AJAP1: variants seen among roughly 807,000 people sequenced by gnomAD.
AJAP1 encodes adherens junctions associated protein 1.
In AJAP1, 5 loss-of-function variants were observed where a neutral mutation model predicts 35.0. The ratio of observed to expected loss-of-function variants is 0.14; its 90% confidence interval spans 0.07 to 0.30. AJAP1 has a LOEUF of 0.30. Ranked by LOEUF, AJAP1 falls within the 10% of genes least tolerant of loss-of-function variation. AJAP1 has a pLI of 1.00. For missense variants in AJAP1, 586 were observed against 571.0 expected (o/e 1.03, Z -0.27); for synonymous variants, 284 against 249.3 (o/e 1.14, Z -1.31).
intron 2 of AJAP1, among the ~76,000 whole-genome samples, chr1:4,748,339 G>A (rs1641240014): frequency 6.6e-6 from 1 of 152,198 alleles, no homozygotes; most frequent in South Asian, 2.1e-4. Context: ...TACTCATGAT[G>A]CCAGGGTGAG....
chr1:4,692,739 A>T lies in AJAP1; in HGVS notation c.30-19161A>T, dbSNP rs930467421. On this transcript the variant is annotated intron_variant, in intron 1 of 5. Transcript: ENST00000378191. The surrounding 1 kb of genome is among the most constrained non-coding windows in gnomAD (Gnocchi z 4.4). ...CAAGCAGAGATGAAGCCACCCTGGC[A>T]CTCTGCTGTCCTCCCTCCAGGTCTT... Among the ~76,000 whole-genome samples the T allele has an allele frequency of 2.6e-5, 4 of 152,012 alleles. No homozygotes were observed. Among genetic ancestry groups the T allele is most frequent in the African/African-American group, 9.7e-5 (4 of 41,378 alleles).
At chr1:4,760,535 T>C (rs1246311438) in intron 2 of AJAP1, among the ~76,000 whole-genome samples, 2 of 152,180 alleles carry the variant, frequency 1.3e-5, no homozygotes, top group African/African-American at 4.8e-5. Context: ...GGAGCAGATC[T>C]GACTCCCCCG....
At position 4,702,583 on chromosome 1, in the gene AJAP1, TG is replaced by T. The variant is rs374023667; in HGVS notation, c.30-9314del. ...TTAAGGAAAATGCCTTGGAGTGGAC[TG>T]GGCCAGACCGCTGTCATGGTCCCTT... On this transcript the variant is annotated intron_variant, in intron 1 of 5. Coordinates refer to ENST00000378191, the MANE Select transcript of AJAP1 (RefSeq NM_018836.4). 7.7e-4 allele frequency among the ~76,000 whole-genome samples: 118 copies of T among 152,294 alleles called. 1 individual carries two copies. The highest frequency in any genetic ancestry group is 2.6e-3 in the African/African-American group (108 of 41,568).
In AJAP1 at chr1:4,787,565, A is replaced by G. The variant is rs1386092489; in HGVS notation, c.*5080A>G. On this transcript the variant is annotated 3_prime_UTR_variant, in exon 6 of 6. Transcript: ENST00000378191. Reference sequence around the variant, plus strand: ...TGTTACGACGCCTGGTTCTCCACCAAATTCCTCTGTCATTCCAGCAAGAGT... The same window carrying G: ...TGTTACGACGCCTGGTTCTCCACCAGATTCCTCTGTCATTCCAGCAAGAGT... The G allele has an allele frequency of 7.3e-6, 3 of 410,194 alleles. No individual in the cohort carries two copies. The highest frequency in any genetic ancestry group is 4.1e-5 in the African/African-American group (2 of 48,566). The allele number at this position is 410,194 out of a possible 1,614,324, so 25.4% of individuals were successfully genotyped here.
intron 2 of AJAP1, among the ~76,000 whole-genome samples, chr1:4,741,188 T>C (rs538198334): frequency 6.6e-6 from 1 of 151,952 alleles, no homozygotes; most frequent in South Asian, 2.1e-4. Context: ...GAGCCCAGGG[T>C]CTTGGCTAGA....
At chr1:4,689,267 AT>A (rs558269564) in intron 1 of AJAP1, among the ~76,000 whole-genome samples, 37 of 152,336 alleles carry the variant, frequency 2.4e-4, no homozygotes, top group African/African-American at 8.7e-4. Context: ...AATTCAGCTG[AT>A]TAAGGCGGTT....
At chr1:4,746,407 G>A (rs144326176) in intron 2 of AJAP1, among the ~76,000 whole-genome samples, 15 of 152,238 alleles carry the variant, frequency 9.9e-5, no homozygotes, top group African/African-American at 3.6e-4. Context: ...CCAGGATGTG[G>A]CCATATCTTT....
chr1:4,742,109 C>T (rs759987467), intron 2 of AJAP1, among the ~76,000 whole-genome samples: 4 of 152,116 alleles, frequency 2.6e-5, no homozygotes, highest in South Asian at 2.1e-4. Context: ...AGTGGGTGAA[C>T]GTTGGATGGC....
rs747956216 is a variant in AJAP1, at chr1:4,713,002, A to G, written c.829+303A>G. 4.3e-4 allele frequency among the ~76,000 whole-genome samples: 66 copies of G among 152,226 alleles called. 1 individual carries two copies. Among genetic ancestry groups the G allele is most frequent in the South Asian group, 1.0e-3 (5 of 4,814 alleles). On this transcript the variant is annotated intron_variant, in intron 2 of 5. Transcript: ENST00000378191. ...ACCAGGTGCTGCAGCCCTGTTACAG[A>G]CCGGTGGAATCCACCACACACAGCC...
chr1:4,729,832 G>C (rs1199114263), intron 2 of AJAP1, among the ~76,000 whole-genome samples: 1 of 152,184 alleles, frequency 6.6e-6, no homozygotes, highest in African/African-American at 2.4e-5. Flanking sequence ...GTTGGATTTA[G>C]GGGCCACCCT....
rs529940202 is a variant in AJAP1, at chr1:4,712,522, G to GCCACCACCACCACCACCA, written c.657_674dup (p.Thr220_Thr225dup). On this transcript the variant is annotated inframe_insertion, in exon 2 of 6. Coordinates refer to ENST00000378191, the MANE Select transcript of AJAP1 (RefSeq NM_018836.4). ...ACAAACACGGAAGACAACTGTGGCCGCCACCACCACCACCACCACCACGGC... is the reference window on the plus strand; with the variant it reads ...ACAAACACGGAAGACAACTGTGGCCGCCACCACCACCACCACCACCACCACCACCACCACCACCACGGC... 1 of 1,609,942 alleles carries GCCACCACCACCACCACCA rather than the reference G, an allele frequency of 6.2e-7. No individual in the cohort carries two copies. The highest frequency in any genetic ancestry group is 8.5e-7 in the Non-Finnish European group (1 of 1,178,160).
chr1:4,771,910 G>A (rs1641843269), intron 3 of AJAP1, among the ~76,000 whole-genome samples: 1 of 152,052 alleles, frequency 6.6e-6, no homozygotes, highest in African/African-American at 2.4e-5. Flanking sequence ...CCTCTGGCAG[G>A]AAGGACCCAC....
chr1:4,677,718 G>A (rs1382021109), intron 1 of AJAP1, among the ~76,000 whole-genome samples: 1 of 148,720 alleles, frequency 6.7e-6, no homozygotes, highest in Non-Finnish European at 1.5e-5. Context: ...TCCAGGTAAT[G>A]CTCCGAATGA....
Position 4,690,029 on chromosome 1 carries a change from T to C in AJAP1, c.30-21871T>C, listed in dbSNP as rs539726363. ...CCCCAGCCCCGCTCCCTCCTGGCCC[T>C]GTAGAACTTGGTGCACACCTGGCCA... On this transcript the variant is annotated intron_variant, in intron 1 of 5. Coordinates refer to ENST00000378191, the MANE Select transcript of AJAP1 (RefSeq NM_018836.4). 2.6e-3 allele frequency among the ~76,000 whole-genome samples: 401 copies of C among 151,818 alleles called. 4 individuals are homozygous for C. The highest frequency in any genetic ancestry group is 9.0e-3 in the African/African-American group (371 of 41,392).
chr1:4,773,906 G>A (rs1228340499), intron 4 of AJAP1, among the ~76,000 whole-genome samples: 1 of 152,208 alleles, frequency 6.6e-6, no homozygotes, highest in African/African-American at 2.4e-5. Context: ...CTCGTGCCCT[G>A]GCATGGAGGC....
At chr1:4,690,463 G>A (rs1639714048) in intron 1 of AJAP1, among the ~76,000 whole-genome samples, 1 of 152,234 alleles carries the variant, frequency 6.6e-6, no homozygotes. Context: ...ACCAGGAGCT[G>A]TCACCAGGGG....
chr1:4,659,606 G>A (rs1404973796), intron 1 of AJAP1, among the ~76,000 whole-genome samples: 1 of 152,194 alleles, frequency 6.6e-6, no homozygotes, highest in East Asian at 1.9e-4. Context: ...GTGTCCCCAA[G>A]TACATCCGCC....
intron 2 of AJAP1, among the ~76,000 whole-genome samples, chr1:4,761,455 C>A (rs1641563467): frequency 6.6e-6 from 1 of 152,228 alleles, no homozygotes; most frequent in Non-Finnish European, 1.5e-5. Flanking sequence ...ATGAGTACAA[C>A]TTCAGGTCCC....
chr1:4,702,636 G>A (rs1158774584), intron 1 of AJAP1, among the ~76,000 whole-genome samples: 1 of 152,148 alleles, frequency 6.6e-6, no homozygotes, highest in East Asian at 1.9e-4. Context: ...GGGGCTCCCG[G>A]TGAGGCCAGC....
Sources: allele counts gnomAD v4.1 joint callset (sites outside exome capture counted in the v4.1 genomes callset), GRCh38; gene constraint gnomAD v4.1.1; non-coding constraint Gnocchi (gnomAD v3.1); transcripts MANE v1.5; gene names NCBI Gene and HGNC (gene_info 2026-07-23, HGNC 2026-07-21).